Variants in ZNF638 observed in about 807,000 individuals in gnomAD.
ZNF638 encodes the protein zinc finger protein 638, also known as CTCL tumor antigen se33-1.
Under a neutral mutation model 195.6 loss-of-function variants are expected in ZNF638, and 46 were observed. The ratio of observed to expected loss-of-function variants is 0.24; its 90% confidence interval spans 0.19 to 0.30. The LOEUF (loss-of-function observed/expected upper bound fraction) is 0.30, where lower values mean the gene tolerates loss of function less well. Ranked by LOEUF, ZNF638 falls within the 10% of genes least tolerant of loss-of-function variation. The pLI, the probability that ZNF638 is intolerant of heterozygous loss-of-function variation, is 1.00. For synonymous variants in ZNF638, 845 were observed against 772.0 expected (o/e 1.09, Z -1.57); for missense variants, 2,440 against 2,325.3 (o/e 1.05, Z -1.01).
At chr2:71,355,384 T>G (rs550180505) in intron 2 of ZNF638, among the ~76,000 whole-genome samples, 4 of 152,130 alleles carry the variant, frequency 2.6e-5, no homozygotes, top group African/African-American at 4.8e-5. Flanking sequence ...TCTGGTGTGT[T>G]GTTTTTATAT....
chr2:71,411,297 C>T (rs1387055973), intron 20 of ZNF638, among the ~76,000 whole-genome samples: 2 of 151,184 alleles, frequency 1.3e-5, no homozygotes, highest in African/African-American at 4.9e-5. Context: ...CATGCCTGGC[C>T]CCAGGGAAGT....
At position 71,349,936 on chromosome 2, in the gene ZNF638, A is replaced by G; in HGVS notation, c.982A>G (p.Ile328Val). Residue 328 changes from isoleucine to valine, a missense_variant, in exon 2 of 28, where the codon ATT becomes GTT. This residue lies in a region of ZNF638 where 305 missense variants were observed against 283.6 expected (regional missense o/e 1.08). Coordinates refer to ENST00000264447, the MANE Select transcript of ZNF638 (RefSeq NM_014497.5). The part of the protein sequence containing the change: ...TVSQTMSQSL[I>V]PPSMNQQPFS... ...TAGCCAGACAATGAGTCAATCTCTGATTCCTCCATCTATGAACCAGCAACC... is the reference window on the plus strand; with the variant it reads ...TAGCCAGACAATGAGTCAATCTCTGGTTCCTCCATCTATGAACCAGCAACC... 1.2e-6 allele frequency: 2 copies of G among 1,614,220 alleles called. No homozygotes were observed. The highest frequency in any genetic ancestry group is 1.1e-5 in the South Asian group (1 of 91,082).
intron 25 of ZNF638, among the ~76,000 whole-genome samples, chr2:71,430,496 G>T (rs958738641): frequency 6.6e-6 from 1 of 152,158 alleles, no homozygotes; most frequent in Non-Finnish European, 1.5e-5. Flanking sequence ...CCAGATGTAT[G>T]GAGGGAACAC....
chr2:71,354,482 C>G (rs1308501597), intron 2 of ZNF638, among the ~76,000 whole-genome samples: 2 of 151,972 alleles, frequency 1.3e-5, no homozygotes, highest in East Asian at 3.9e-4. Context: ...CGCCTGTAAT[C>G]CTAACACTTT....
chr2:71,339,349 C>T (rs1210685639), intron 1 of ZNF638, among the ~76,000 whole-genome samples: 1 of 152,062 alleles, frequency 6.6e-6, no homozygotes, highest in Non-Finnish European at 1.5e-5. Flanking sequence ...GACAGGGTTT[C>T]ACCATGTTGG....
chr2:71,351,887 T>C (rs1026480556), intron 2 of ZNF638, among the ~76,000 whole-genome samples: 8 of 152,236 alleles, frequency 5.3e-5, no homozygotes, highest in Admixed American at 5.2e-4. Flanking sequence ...GACAGAGATT[T>C]CTGTCTTGAT....
At chr2:71,381,577 C>T (rs547826232) in intron 10 of ZNF638, among the ~76,000 whole-genome samples, 71 of 152,138 alleles carry the variant, frequency 4.7e-4, no homozygotes, top group African/African-American at 1.7e-3. Flanking sequence ...TATTGAAGGC[C>T]TTGAAGGGTC....
At chr2:71,370,413 A>G (rs1668724907) in intron 8 of ZNF638, among the ~76,000 whole-genome samples, 1 of 152,202 alleles carries the variant, frequency 6.6e-6, no homozygotes, top group Admixed American at 6.5e-5. Flanking sequence ...AACTTTACAT[A>G]AACAAAATCG....
chr2:71,357,061 T>C (rs1041460625), intron 3 of ZNF638, among the ~76,000 whole-genome samples: 9 of 152,152 alleles, frequency 5.9e-5, no homozygotes, highest in African/African-American at 2.2e-4. Context: ...TTTGTTGTTG[T>C]TTTTGTTTTC....
chr2:71,357,378 G>C (rs7568080), intron 3 of ZNF638, among the ~76,000 whole-genome samples: 3,404 of 152,238 alleles, frequency 0.022, 124 homozygotes, highest in African/African-American at 0.078. Flanking sequence ...TATAGATGCT[G>C]TAAAGACAAA....
chr2:71,378,002 G>A (rs991243961), intron 8 of ZNF638, among the ~76,000 whole-genome samples: 5 of 152,128 alleles, frequency 3.3e-5, no homozygotes, highest in Non-Finnish European at 5.9e-5. Flanking sequence ...TTTATTCTCA[G>A]ACATGCATGG....
chr2:71,389,985 C>T (rs910525087), intron 10 of ZNF638, among the ~76,000 whole-genome samples: 1 of 152,110 alleles, frequency 6.6e-6, no homozygotes, highest in Non-Finnish European at 1.5e-5. Context: ...AATAAAGTCT[C>T]CTGAAGTGAA....
intron 2 of ZNF638, 120 bp from the exon 3 acceptor site, chr2:71,355,599 T>C (rs2079011474): frequency 7.0e-6 from 5 of 713,954 alleles, no homozygotes; most frequent in African/African-American, 1.9e-5. Context: ...AGCCAAATGC[T>C]ATTTATGAGT....
At chr2:71,381,888 G>A (rs2079540471) in intron 10 of ZNF638, among the ~76,000 whole-genome samples, 1 of 152,044 alleles carries the variant, frequency 6.6e-6, no homozygotes, top group African/African-American at 2.4e-5. Flanking sequence ...AGAATATGGA[G>A]CCACTCACTA....
chr2:71,377,834 G>C (rs1036487219), intron 8 of ZNF638, among the ~76,000 whole-genome samples: 1 of 152,248 alleles, frequency 6.6e-6, no homozygotes, highest in African/African-American at 2.4e-5. Context: ...ACCTTATAGT[G>C]ATCTAGGCAG....
intron 13 of ZNF638, 35 bp downstream of exon 13, chr2:71,399,680 T>C: frequency 6.5e-7 from 1 of 1,547,504 alleles, no homozygotes; most frequent in Non-Finnish European, 8.8e-7. Context: ...GTGCTTTGTT[T>C]TCTTTTCTTT....
chr2:71,368,168 C>G (rs528869229), intron 6 of ZNF638, among the ~76,000 whole-genome samples: 2 of 152,106 alleles, frequency 1.3e-5, no homozygotes, highest in Non-Finnish European at 2.9e-5. Flanking sequence ...ACATTTCTTA[C>G]CACTTTTGCA....
At chr2:71,348,565 G>A in intron 1 of ZNF638, 188 bp from the exon 2 acceptor site, 1 of 1,190,834 alleles carries the variant, frequency 8.4e-7, no homozygotes, top group Non-Finnish European at 1.1e-6. Flanking sequence ...CTTGTGTTCT[G>A]CATTCAGGAA....
At position 71,418,621 on chromosome 2, in the gene ZNF638, C is replaced by T; in HGVS notation, c.3281C>T (p.Pro1094Leu). Residue 1094 changes from proline (P) to leucine (L), a missense_variant, in exon 21 of 28, where the codon CCA becomes CTA. Pro to Leu is a moderately conservative substitution (Grantham distance 98, BLOSUM62 -3). Transcript: ENST00000264447. ...DLPEVQIEHD[P>L]ELEKESPGLK... is the part of the protein sequence containing the mutation. ...TTACAGGTGCAAATTGAGCATGACC[C>T]AGAATTAGAAAAAGAAAGGTATGTT... The T allele has an allele frequency of 6.4e-7, 1 of 1,559,152 alleles. No homozygotes were observed. The highest frequency in any genetic ancestry group is 1.2e-5 in the South Asian group (1 of 80,380).
Sources: gnomAD v4.1 joint callset for allele counts (sites outside exome capture counted in the v4.1 genomes callset) on GRCh38, gnomAD v4.1.1 for gene constraint, gnomAD v4.1.1 regional missense constraint, MANE v1.5 for transcripts, NCBI Gene and HGNC (gene_info 2026-07-23, HGNC 2026-07-21) for gene names.